Variants in ASIC2 observed in about 807,000 individuals in gnomAD.
ASIC2 encodes acid-sensing ion channel 2.
ASIC2 carries 25 observed loss-of-function variants against 57.3 expected under a neutral mutation model. The observed-to-expected ratio is 0.44, with a 90% CI of 0.32 to 0.61. The LOEUF is 0.61. Among genes scored for constraint, ASIC2 ranks in the 20% least tolerant of loss-of-function variants. The pLI is 0.06. For missense variants in ASIC2, 641 were observed against 738.1 expected (o/e 0.87, Z 1.52); for synonymous variants, 319 against 307.5 (o/e 1.04, Z -0.39).
At chr17:33,308,889 G>A (rs745683975) in intron 1 of ASIC2, among the ~76,000 whole-genome samples, 1 of 152,082 alleles carries the variant, frequency 6.6e-6, no homozygotes, top group Non-Finnish European at 1.5e-5. Flanking sequence ...GATAACTATC[G>A]ATCTCCTTTG....
At chr17:33,383,133 T>A (rs182524992) in intron 1 of ASIC2, among the ~76,000 whole-genome samples, 97 of 152,300 alleles carry the variant, frequency 6.4e-4, no homozygotes, top group African/African-American at 2.3e-3. Flanking sequence ...CTGTGAAAAA[T>A]TTTTAAAGTC....
At chr17:33,894,019 A>G (rs899052649) in intron 1 of ASIC2, among the ~76,000 whole-genome samples, 1 of 150,036 alleles carries the variant, frequency 6.7e-6, no homozygotes, top group Non-Finnish European at 1.5e-5. Context: ...ACAGATTCCA[A>G]AAGAAGAATT....
At position 34,119,418 on chromosome 17, in the gene ASIC2, T is replaced by C. The variant is rs569628295; in HGVS notation, c.555+36560A>G. Among the ~76,000 whole-genome samples, 28 of 152,336 alleles carry C rather than the reference T, an allele frequency of 1.8e-4. No homozygotes were observed. The South Asian group carries it at 4.8e-3, about 26-fold the overall frequency. On this transcript the variant is annotated intron_variant, in intron 1 of 9. Coordinates refer to the ASIC2 transcript ENST00000359872. ...AATTTTTATACAACATGTATACAGT[T>C]TGATGTCTATTTTTACCTGTTAAAT...
chr17:33,480,632 G>T (rs1033543375), intron 1 of ASIC2, among the ~76,000 whole-genome samples: 14 of 152,124 alleles, frequency 9.2e-5, no homozygotes, highest in Admixed American at 7.9e-4. Flanking sequence ...GGGGAAGGGG[G>T]GACCATTGAC....
At chr17:33,605,013 T>TTCTCTC (rs5820054) in intron 1 of ASIC2, among the ~76,000 whole-genome samples, 125 of 148,120 alleles carry the variant, frequency 8.4e-4, no homozygotes, top group Admixed American at 2.8e-3. Context: ...TATTACTTCA[T>TTCTCTC]TCTCTCTCTC....
intron 1 of ASIC2, among the ~76,000 whole-genome samples, chr17:33,419,836 G>A (rs575457082): frequency 4.6e-5 from 7 of 152,110 alleles, no homozygotes; most frequent in East Asian, 3.9e-4. Context: ...TCATCTAGTC[G>A]TGTTGATGAA....
chr17:33,665,339 T>G (rs1339326523), intron 1 of ASIC2, among the ~76,000 whole-genome samples: 1 of 152,202 alleles, frequency 6.6e-6, no homozygotes, highest in Non-Finnish European at 1.5e-5. Context: ...ATTCCAATTC[T>G]GTAGACAATG....
At chr17:33,647,270 A>G (rs1906770918) in intron 1 of ASIC2, among the ~76,000 whole-genome samples, 3 of 152,158 alleles carry the variant, frequency 2.0e-5, no homozygotes, top group African/African-American at 2.4e-5. Flanking sequence ...TATGTCAAGG[A>G]TCCAGCCCAC....
At chr17:33,888,884 G>A (rs67236820) in intron 1 of ASIC2, among the ~76,000 whole-genome samples, 25,863 of 151,918 alleles carry the variant, frequency 0.17, 2,337 homozygotes, top group African/African-American at 0.24. Flanking sequence ...TCCCACAATC[G>A]GTCCACAGTA....
At position 33,053,064 on chromosome 17, in the gene ASIC2, A is replaced by G. The variant is rs182106994; in HGVS notation, c.988-24672T>C. Among the ~76,000 whole-genome samples the G allele has an allele frequency of 1.2e-3, 183 of 152,346 alleles. 1 individual carries two copies. Among genetic ancestry groups the G allele is most frequent in the Non-Finnish European group, 3.1e-4 (21 of 68,034 alleles). ...CAAATGCCAACTGCATTGGATTGCAATGTGAGTGAGAAACACATTCTTATT... is the reference window on the plus strand; with the variant it reads ...CAAATGCCAACTGCATTGGATTGCAGTGTGAGTGAGAAACACATTCTTATT... On this transcript the variant is annotated intron_variant, in intron 3 of 9. Coordinates refer to ENST00000225823, the MANE Select transcript of ASIC2 (RefSeq NM_183377.2).
intron 1 of ASIC2, among the ~76,000 whole-genome samples, chr17:34,036,084 T>G (rs967318471): frequency 6.6e-6 from 1 of 151,978 alleles, no homozygotes; most frequent in Non-Finnish European, 1.5e-5. Context: ...TATGTTTATA[T>G]CGTCAATATT....
intron 1 of ASIC2, among the ~76,000 whole-genome samples, chr17:33,758,028 G>A (rs1042063426): frequency 6.6e-6 from 1 of 152,204 alleles, no homozygotes; most frequent in African/African-American, 2.4e-5. Context: ...TAAAGAGGAC[G>A]ATCCAATTCT....
In ASIC2 at chr17:33,562,128, C is replaced by T. The variant is rs73983988; in HGVS notation, c.556-450061G>A. Among the ~76,000 whole-genome samples, 569 of 152,312 alleles carry T rather than the reference C, an allele frequency of 3.7e-3. 4 individuals carry two copies. The highest frequency in any genetic ancestry group is 0.013 in the African/African-American group (535 of 41,558). ...ATCCTCCAAGACTCAGCTCAAAGGC[C>T]GCTTCCTTTGTGAAACCCTCTTCAA... On this transcript the variant is annotated intron_variant, in intron 1 of 9. Transcript: ENST00000359872.
Position 34,151,032 on chromosome 17 carries a change from G to T in ASIC2, c.555+4946C>A, listed in dbSNP as rs143056551. 9.6e-4 allele frequency among the ~76,000 whole-genome samples: 146 copies of T among 151,642 alleles called. 1 individual carries two copies. The East Asian group carries it at 9.7e-3, about 10-fold the overall frequency. On this transcript the variant is annotated intron_variant, in intron 1 of 9. Transcript: ENST00000359872. ...GCAGGAGAATCGCTTGAACCTGAGA[G>T]GTGGAGGTTGCAGTGAGCTAAGATC... is the stretch of plus-strand genomic sequence containing the variant.
intron 1 of ASIC2, among the ~76,000 whole-genome samples, chr17:34,138,734 G>A (rs767108932): frequency 1.3e-5 from 2 of 152,154 alleles, no homozygotes; most frequent in African/African-American, 2.4e-5. Context: ...CCTTGACTAC[G>A]GCTGAGTGGA....
At chr17:33,971,934 A>G (rs1157124067) in intron 1 of ASIC2, among the ~76,000 whole-genome samples, 2 of 152,158 alleles carry the variant, frequency 1.3e-5, no homozygotes, top group African/African-American at 2.4e-5. Context: ...TGAGAAAAAC[A>G]ACAGAAGTAA....
intron 1 of ASIC2, among the ~76,000 whole-genome samples, chr17:33,902,810 A>G (rs537612027): frequency 1.3e-5 from 2 of 152,338 alleles, no homozygotes; most frequent in Admixed American, 1.3e-4. Flanking sequence ...GAGTAAGATT[A>G]GAAATTCAGC....
intron 1 of ASIC2, among the ~76,000 whole-genome samples, chr17:33,751,008 G>T (rs1910413469): frequency 6.6e-6 from 1 of 152,158 alleles, no homozygotes; most frequent in Admixed American, 6.5e-5. Context: ...ATGAAAGGGG[G>T]CCCCTTTTGT....
intron 1 of ASIC2, among the ~76,000 whole-genome samples, chr17:33,764,128 C>A (rs1314156137): frequency 6.6e-6 from 1 of 152,060 alleles, no homozygotes; most frequent in Non-Finnish European, 1.5e-5. Flanking sequence ...CCTGTCTCTA[C>A]TGAAAAACAA....
Sources: allele counts gnomAD v4.1 joint callset (sites outside exome capture counted in the v4.1 genomes callset), GRCh38; gene constraint gnomAD v4.1.1; transcripts MANE v1.5; gene names NCBI Gene and HGNC (gene_info 2026-07-23, HGNC 2026-07-21).